LAMA2: variants seen among roughly 807,000 people sequenced by gnomAD.
LAMA2 encodes laminin subunit alpha 2.
A neutral mutation model predicts 364.8 loss-of-function variants in LAMA2; 269 were observed. That is an observed-to-expected ratio of 0.74 (90% CI 0.67 to 0.82). The LOEUF (loss-of-function observed/expected upper bound fraction) is 0.82, where lower values mean the gene tolerates loss of function less well. LAMA2 is among the 40% of genes least tolerant of loss of function. LAMA2 has a pLI of 0.00. For missense variants in LAMA2, 3,807 were observed against 3,873.2 expected (o/e 0.98, Z 0.45); for synonymous variants, 1,379 against 1,370.6 (o/e 1.01, Z -0.14).
chr6:129,042,957 A>T (rs1787209908), intron 1 of LAMA2, among the ~76,000 whole-genome samples: 1 of 152,190 alleles, frequency 6.6e-6, no homozygotes, highest in Non-Finnish European at 1.5e-5. Context: ...CTATTATGAT[A>T]AAAACTTCTA....
chr6:129,308,158 A>G (rs1412608347), intron 22 of LAMA2, among the ~76,000 whole-genome samples: 1 of 152,220 alleles, frequency 6.6e-6, no homozygotes, highest in East Asian at 1.9e-4. Flanking sequence ...TCATTTTTCT[A>G]TTGTCAATAG....
intron 4 of LAMA2, among the ~76,000 whole-genome samples, chr6:129,115,016 C>T (rs1776385836): frequency 6.6e-6 from 1 of 151,882 alleles, no homozygotes; most frequent in Admixed American, 6.6e-5. Context: ...TTTTAAAATC[C>T]ACATAAGAAT....
chr6:129,370,389 A>G (rs541780780), intron 34 of LAMA2, among the ~76,000 whole-genome samples: 1 of 152,244 alleles, frequency 6.6e-6, no homozygotes, highest in Non-Finnish European at 1.5e-5. Context: ...ATAGAAATAC[A>G]GTGTAAATCA....
At chr6:129,372,555 G>A (rs890189596) in intron 34 of LAMA2, among the ~76,000 whole-genome samples, 1 of 152,134 alleles carries the variant, frequency 6.6e-6, no homozygotes, top group African/African-American at 2.4e-5. Context: ...CCTACTGAAG[G>A]ACATCTTGGT....
chr6:129,287,933 T>C lies in LAMA2; in HGVS notation c.2624T>C (p.Ile875Thr), dbSNP rs1789393368. Residue 875 changes from isoleucine to threonine, a missense_variant, in exon 19 of 65, where the codon ATC becomes ACC. By Grantham distance (89) the Ile-to-Thr change is moderately conservative. Coordinates refer to ENST00000421865, the MANE Select transcript of LAMA2 (RefSeq NM_000426.4). Reference sequence around the variant, plus strand: ...TGCAATGACAACCTTGACTTCTCCATCCCTGGCAGCTGTGACAGCTTGTCT... The same window carrying C: ...TGCAATGACAACCTTGACTTCTCCACCCCTGGCAGCTGTGACAGCTTGTCT... The part of the protein sequence containing the change: ...CQCNDNLDFS[I>T]PGSCDSLSGS... 6.2e-7 allele frequency: 1 copy of C among 1,614,028 alleles called. No homozygotes were observed. Among genetic ancestry groups the C allele is most frequent in the African/African-American group, 1.3e-5 (1 of 74,920 alleles).
chr6:128,915,946 G>C (rs1422711200), intron 1 of LAMA2, among the ~76,000 whole-genome samples: 1 of 152,166 alleles, frequency 6.6e-6, no homozygotes, highest in African/African-American at 2.4e-5. Flanking sequence ...AAAATAAGAT[G>C]TGTAATACAG....
At chr6:128,907,966 T>G (rs1222196771) in intron 1 of LAMA2, among the ~76,000 whole-genome samples, 3 of 152,112 alleles carry the variant, frequency 2.0e-5, no homozygotes, top group Admixed American at 2.0e-4. Flanking sequence ...GAACCAGCCT[T>G]GCATCCCAGG....
chr6:129,326,717 TTATA>T, intron 28 of LAMA2, among the ~76,000 whole-genome samples: 1 of 145,260 alleles, frequency 6.9e-6, no homozygotes, highest in Admixed American at 7.0e-5. Context: ...ATATACATAT[TTATA>T]TATTATATAT....
chr6:129,445,286 C>T (rs1782309785), intron 44 of LAMA2, among the ~76,000 whole-genome samples: 1 of 152,188 alleles, frequency 6.6e-6, no homozygotes, highest in Non-Finnish European at 1.5e-5. Context: ...CTGGCTTGGA[C>T]AGACTAGGTG....
At position 129,505,290 on chromosome 6, in the gene LAMA2, G is replaced by A. The variant is rs146976290; in HGVS notation, c.8638G>A (p.Asp2880Asn). 34 of 1,613,876 alleles carry A rather than the reference G, an allele frequency of 2.1e-5. No homozygotes were observed. In the African/African-American group the frequency reaches 4.5e-4, roughly 22 times the overall value. The change falls in exon 61 of 65, where the codon GAT becomes AAT. Residue 2880 changes from aspartate to asparagine, a missense_variant. By Grantham distance (23) the Asp-to-Asn change is conservative. This residue lies in a region of LAMA2 where 3,333 missense variants were observed against 3,345.7 expected (regional missense o/e 1.00). Transcript: ENST00000421865. Reference protein sequence around the residue: ...TISPKKADILDVVGMLYVGGL... With the variant: ...TISPKKADILNVVGMLYVGGL... Reference sequence around the variant, plus strand: ...CAGTCCCAAAAAAGCCGACATCCTGGATGTCGTGGGAATGCTGTATGTTGG... The same window carrying A: ...CAGTCCCAAAAAAGCCGACATCCTGAATGTCGTGGGAATGCTGTATGTTGG...
rs79920744 is a variant in LAMA2 at position 129,316,672 on chromosome 6, A to G, written c.4058+501A>G. 2.1e-3 allele frequency among the ~76,000 whole-genome samples: 324 copies of G among 152,326 alleles called. 6 individuals are homozygous for G. In the East Asian group the frequency reaches 0.056, roughly 27 times the overall value. ...ATTCTGAATCACTTTGAAAAAAATC[A>G]CACAGAACAGCAAGAATGAATGCAA... On this transcript the variant is annotated intron_variant, in intron 27 of 64. Transcript: ENST00000421865.
intron 9 of LAMA2, among the ~76,000 whole-genome samples, chr6:129,166,096 C>G (rs1583169924): frequency 6.6e-6 from 1 of 152,256 alleles, no homozygotes. Flanking sequence ...AATAGAAGAA[C>G]TCACACACTG....
At chr6:129,356,803 AT>A (rs1377539229) in intron 32 of LAMA2, among the ~76,000 whole-genome samples, 1 of 152,114 alleles carries the variant, frequency 6.6e-6, no homozygotes, top group Non-Finnish European at 1.5e-5. Context: ...CAGTAATGAC[AT>A]TTATTTTCTG....
intron 4 of LAMA2, among the ~76,000 whole-genome samples, chr6:129,120,526 AAATC>A (rs1776746291): frequency 6.6e-6 from 1 of 152,196 alleles, no homozygotes; most frequent in Admixed American, 6.5e-5. Context: ...TCAGATTTAA[AAATC>A]AAGAGTAAGA....
intron 1 of LAMA2, among the ~76,000 whole-genome samples, chr6:128,933,603 A>C (rs1044482065): frequency 6.6e-6 from 1 of 152,112 alleles, no homozygotes; most frequent in Non-Finnish European, 1.5e-5. Context: ...TGTCTTTTAT[A>C]TAATAGCCAT....
intron 3 of LAMA2, among the ~76,000 whole-genome samples, chr6:129,092,786 T>C (rs1774922716): frequency 6.6e-6 from 1 of 151,920 alleles, no homozygotes; most frequent in Non-Finnish European, 1.5e-5. Flanking sequence ...GATAAAGCAT[T>C]GTCTTCCATA....
chr6:129,229,764 G>T (rs1003623057), intron 12 of LAMA2, among the ~76,000 whole-genome samples: 96 of 152,244 alleles, frequency 6.3e-4, no homozygotes, highest in African/African-American at 2.3e-3. Context: ...TGTGGAACAT[G>T]AAAGAAAGAG....
intron 58 of LAMA2, among the ~76,000 whole-genome samples, chr6:129,497,577 T>A (rs1740342469): frequency 6.6e-6 from 1 of 152,208 alleles, no homozygotes; most frequent in African/African-American, 2.4e-5. Context: ...GAACTAAGAC[T>A]TAAAAGTTAA....
chr6:129,165,913 TACAC>T lies in LAMA2; in HGVS notation c.1306+248_1306+251del, dbSNP rs201299745. 5.9e-5 allele frequency among the ~76,000 whole-genome samples: 9 copies of T among 151,574 alleles called. 1 individual carries two copies. The South Asian group carries it at 1.9e-3, about 31-fold the overall frequency. On this transcript the variant is annotated intron_variant, in intron 9 of 64. Transcript: ENST00000421865. ...AAGAGTTGAATTATGTATTTTGAGA[TACAC>T]ACACACACATACACAGAGATAAAGA...
Sources: gnomAD v4.1 joint callset for allele counts (sites outside exome capture counted in the v4.1 genomes callset) on GRCh38, gnomAD v4.1.1 for gene constraint, gnomAD v4.1.1 regional missense constraint, MANE v1.5 for transcripts, NCBI Gene and HGNC (gene_info 2026-07-23, HGNC 2026-07-21) for gene names.